ABCA13: variants seen among roughly 807,000 people sequenced by gnomAD.
ABCA13 encodes ATP binding cassette subfamily A member 13.
A neutral mutation model predicts 478.7 loss-of-function variants in ABCA13; 476 were observed. That is an observed-to-expected ratio of 0.99 (90% confidence interval 0.92 to 1.07). ABCA13 has a LOEUF of 1.07. Among genes scored for constraint, ABCA13 ranks in the 50% least tolerant of loss-of-function variants. ABCA13 has a pLI of 0.00. For synonymous variants in ABCA13, 2,252 were observed against 2,158.9 expected, an observed-to-expected ratio of 1.04 and a Z score of -1.20; for missense variants, 6,060 against 5,910.6, an observed-to-expected ratio of 1.03 and a Z score of -0.83.
intron 41 of ABCA13, among the ~76,000 whole-genome samples, chr7:48,424,498 G>A (rs946123010): frequency 3.3e-5 from 5 of 152,156 alleles, no homozygotes; most frequent in African/African-American, 7.2e-5. Flanking sequence ...ACAAAATGGC[G>A]TTGAATGAGA....
At chr7:48,593,145 CT>C (rs200188540) in intron 57 of ABCA13, among the ~76,000 whole-genome samples, 2 of 149,820 alleles carry the variant, frequency 1.3e-5, no homozygotes, top group East Asian at 3.9e-4. Context: ...GTTATTTATT[CT>C]TTTTTTTCCT....
rs369274897 is a variant in ABCA13 at position 48,202,932 on chromosome 7, G to A, written c.287+4572G>A. Among the ~76,000 whole-genome samples the A allele has an allele frequency of 9.2e-5, 14 of 152,352 alleles. No individual in the cohort carries two copies. In the East Asian group the frequency reaches 1.5e-3, roughly 17 times the overall value. On this transcript the variant is annotated intron_variant, in intron 3 of 61. Transcript: ENST00000435803. ...CGCCCGCGCTCCTCAGCCCTTGGGC[G>A]GTCGATGGGACTGGGCGCCGTGGAG...
At chr7:48,396,351 G>A (rs529838680) in intron 38 of ABCA13, among the ~76,000 whole-genome samples, 2 of 152,320 alleles carry the variant, frequency 1.3e-5, no homozygotes, top group African/African-American at 4.8e-5. Context: ...ACTTTCATTT[G>A]TTTAACATCT....
chr7:48,642,726 A>C (rs917840578), intron 59 of ABCA13, among the ~76,000 whole-genome samples: 1 of 152,196 alleles, frequency 6.6e-6, no homozygotes, highest in African/African-American at 2.4e-5. Flanking sequence ...ACTACTGTCT[A>C]TAACTCTACA....
At chr7:48,257,616 A>G (rs1318042826) in intron 15 of ABCA13, among the ~76,000 whole-genome samples, 1 of 152,054 alleles carries the variant, frequency 6.6e-6, no homozygotes, top group Non-Finnish European at 1.5e-5. Context: ...ACTGATTTGT[A>G]TATGTTGGAC....
chr7:48,199,598 G>C (rs1584128216), intron 3 of ABCA13, among the ~76,000 whole-genome samples: 1 of 152,152 alleles, frequency 6.6e-6, no homozygotes, highest in East Asian at 1.9e-4. Flanking sequence ...GTCATAGTAG[G>C]TGCTTACTTT....
chr7:48,293,194 C>CCA (rs1798799432), intron 20 of ABCA13, among the ~76,000 whole-genome samples: 1 of 128,326 alleles, frequency 7.8e-6, no homozygotes, highest in Non-Finnish European at 1.8e-5. Flanking sequence ...AGTCTTCAGC[C>CCA]CCCCCCCCGC....
chr7:48,315,756 G>A (rs534931806), intron 26 of ABCA13, among the ~76,000 whole-genome samples: 1 of 152,238 alleles, frequency 6.6e-6, no homozygotes, highest in East Asian at 1.9e-4. Flanking sequence ...GGGATTACAG[G>A]CGTGAGCCAC....
chr7:48,190,703 G>A (rs1023477240), intron 1 of ABCA13, among the ~76,000 whole-genome samples: 2 of 152,072 alleles, frequency 1.3e-5, no homozygotes, highest in East Asian at 1.9e-4. Context: ...TAAATCCTAC[G>A]GTGGAATATT....
intron 35 of ABCA13, among the ~76,000 whole-genome samples, chr7:48,386,307 C>G (rs1469653002): frequency 2.0e-5 from 3 of 152,226 alleles, no homozygotes; most frequent in Admixed American, 6.5e-5. Flanking sequence ...AATAGCCATA[C>G]TGCCCAAAGC....
At chr7:48,632,815 G>A (rs911206417) in intron 59 of ABCA13, among the ~76,000 whole-genome samples, 7 of 152,128 alleles carry the variant, frequency 4.6e-5, no homozygotes, top group Admixed American at 3.3e-4. Context: ...GGGTGGATAG[G>A]ATTTTCAAAT....
chr7:48,558,993 G>T (rs1786162744), intron 55 of ABCA13, among the ~76,000 whole-genome samples: 1 of 152,152 alleles, frequency 6.6e-6, no homozygotes, highest in African/African-American at 2.4e-5. Flanking sequence ...CCTCTCAGCT[G>T]CTAATGTCTA....
In ABCA13 at chr7:48,511,082, A is replaced by G; in HGVS notation, c.13525-2A>G. 6.2e-7 allele frequency: 1 copy of G among 1,611,368 alleles called. No individual in the cohort carries two copies. Among genetic ancestry groups the G allele is most frequent in the Non-Finnish European group, 8.5e-7 (1 of 1,177,682 alleles). ...CTCCCTTATTTCTTTTTATCTTCTC[A>G]GCTCTTTTACTTGGTTTCCGTCTGC... On this transcript the variant is annotated splice_acceptor_variant, in intron 50 of 61. Transcript: ENST00000435803. LOFTEE classifies it high-confidence loss of function.
rs763261433 is a variant in ABCA13 at position 48,274,255 on chromosome 7, T to A, written c.4589T>A (p.Ile1530Lys). The change falls in exon 17 of 62, where the codon ATA becomes AAA. Residue 1530 changes from isoleucine to lysine, a missense_variant. Physicochemically the swap from Ile to Lys is moderately radical, Grantham distance 102. Coordinates refer to ENST00000435803, the MANE Select transcript of ABCA13 (RefSeq NM_152701.5). ...TTTACTGAATTAATTCTAAGACCAA[T>A]AGAAATGTCAGATGAAATTCCTAAT... ...RYFTELILRPIEMSDEIPNQF... is the reference protein window; with the variant it reads ...RYFTELILRPKEMSDEIPNQF... The A allele has an allele frequency of 3.7e-6, 6 of 1,612,972 alleles. No individual in the cohort carries two copies. The highest frequency in any genetic ancestry group is 1.7e-5 in the Admixed American group (1 of 59,884).
chr7:48,518,125 T>C (rs2130956719), intron 52 of ABCA13, among the ~76,000 whole-genome samples: 1 of 152,354 alleles, frequency 6.6e-6, no homozygotes, highest in Admixed American at 6.5e-5. Context: ...CACTGATTTA[T>C]ATTAATATGT....
Position 48,232,139 on chromosome 7 carries a change from A to ATTTTTTTTTTTTTTTTT in ABCA13, c.764-1870_764-1854dup, listed in dbSNP as rs71006559. Among the ~76,000 whole-genome samples the ATTTTTTTTTTTTTTTTT allele has an allele frequency of 1.8e-3, 91 of 51,290 alleles. 13 individuals carry two copies. The highest frequency in any genetic ancestry group is 2.1e-3 in the Non-Finnish European group (57 of 27,392). The allele number at this position is 51,290 out of a possible 152,430, so 33.6% of individuals were successfully genotyped here. A position where few individuals can be genotyped will look rare whatever the true frequency, so the allele number is the denominator to read the frequency against. On this transcript the variant is annotated intron_variant, in intron 7 of 61. Coordinates refer to ENST00000435803, the MANE Select transcript of ABCA13 (RefSeq NM_152701.5). Reference sequence around the variant, plus strand: ...CTCAGCACAGTGAGACCCACATGGAATTTTTTTTTTTTTTTTTTTTTTTTT... The same window carrying ATTTTTTTTTTTTTTTTT: ...CTCAGCACAGTGAGACCCACATGGAATTTTTTTTTTTTTTTTTTTTTTTTTTTTTTTTTTTTTTTTTT...
chr7:48,214,170 G>C (rs572975477), intron 3 of ABCA13, among the ~76,000 whole-genome samples: 1 of 152,288 alleles, frequency 6.6e-6, no homozygotes, highest in African/African-American at 2.4e-5. Context: ...TGGATAACTG[G>C]CTGCATGGTC....
rs753190519 is a variant in ABCA13 at position 48,489,343 on chromosome 7, C to T, written c.13290C>T (p.Tyr4430=). 3.0e-5 allele frequency: 47 copies of T among 1,583,756 alleles called. No individual in the cohort carries two copies. In the Middle Eastern group the frequency reaches 1.0e-3, roughly 34 times the overall value. ...CCCCTACTGTGGACTGGAGACAATA[C>T]GGTAATGTTATTTTTCATGCATTGT... is the stretch of plus-strand genomic sequence containing the variant. ...HLPPTVDWRQ[Y]GITLYSHPYG... is the part of the protein sequence containing the mutation. The change falls in exon 48 of 62, where the codon TAC becomes TAT. Residue 4430 remains tyrosine (Y), a splice_region_variant and synonymous_variant. Coordinates refer to ENST00000435803, the MANE Select transcript of ABCA13 (RefSeq NM_152701.5).
At position 48,585,639 on chromosome 7, in the gene ABCA13, T is replaced by G. The variant is rs143902088; in HGVS notation, c.14506-1515T>G. ...GTTATTATCCTAACTTTTATGTACT[T>G]GTCAAAAAGAGTATACACATTAGTT... On this transcript the variant is annotated intron_variant, in intron 56 of 61. Coordinates refer to ENST00000435803, the MANE Select transcript of ABCA13 (RefSeq NM_152701.5). Among the ~76,000 whole-genome samples, 938 of 152,286 alleles carry G rather than the reference T, an allele frequency of 6.2e-3. 9 individuals carry two copies. The highest frequency in any genetic ancestry group is 0.022 in the African/African-American group (894 of 41,562).
Sources: gnomAD v4.1 joint callset for allele counts (sites outside exome capture counted in the v4.1 genomes callset) on GRCh38, gnomAD v4.1.1 for gene constraint, MANE v1.5 for transcripts, NCBI Gene and HGNC (gene_info 2026-07-23, HGNC 2026-07-21) for gene names.